KIRREL3: variants seen among roughly 807,000 people sequenced by gnomAD.
KIRREL3 encodes the protein kirre like nephrin family adhesion molecule 3.
Under a neutral mutation model 89.7 loss-of-function variants are expected in KIRREL3, and 36 were observed. That is an observed-to-expected ratio of 0.40 (90% CI 0.31 to 0.53). The LOEUF (loss-of-function observed/expected upper bound fraction) is 0.53, where lower values mean the gene tolerates loss of function less well. KIRREL3 is among the 20% of genes least tolerant of loss of function. The pLI, the probability that KIRREL3 is intolerant of heterozygous loss-of-function variation, is 0.49. For missense variants in KIRREL3, 864 were observed against 1,056.6 expected (o/e 0.82, Z 2.53); for synonymous variants, 445 against 441.4 (o/e 1.01, Z -0.10).
At chr11:126,468,973 G>A (rs781303459) in intron 5 of KIRREL3, among the ~76,000 whole-genome samples, 1 of 152,198 alleles carries the variant, frequency 6.6e-6, no homozygotes, top group Admixed American at 6.5e-5. Flanking sequence ...GGTCCATAGT[G>A]GGGTGGACCT....
At chr11:126,866,720 G>A (rs1442960749) in intron 1 of KIRREL3, among the ~76,000 whole-genome samples, 3 of 152,084 alleles carry the variant, frequency 2.0e-5, no homozygotes, top group Non-Finnish European at 4.4e-5. Context: ...CCAGCAGAAG[G>A]ACACAGTGGC....
chr11:126,645,174 G>T lies in KIRREL3; in HGVS notation c.56-82262C>A, dbSNP rs1944619177. Among the ~76,000 whole-genome samples, 1 of 152,110 alleles carries T rather than the reference G, an allele frequency of 6.6e-6. No individual in the cohort carries two copies. The highest frequency in any genetic ancestry group is 1.5e-5 in the Non-Finnish European group (1 of 68,010). ...GAAAAAGCTGGAGGAAGATAGAGTGGGACCAGAAAGTGAAGGGATGCAGAC... is the reference window on the plus strand; with the variant it reads ...GAAAAAGCTGGAGGAAGATAGAGTGTGACCAGAAAGTGAAGGGATGCAGAC... On this transcript the variant is annotated intron_variant, in intron 1 of 16. Coordinates refer to ENST00000525144, the MANE Select transcript of KIRREL3 (RefSeq NM_032531.4). The surrounding 1 kb of genome is among the most constrained non-coding windows in gnomAD (Gnocchi z 4.9).
In KIRREL3 at chr11:126,606,771, A is replaced by G. The variant is rs1188674076; in HGVS notation, c.56-43859T>C. 6.6e-6 allele frequency among the ~76,000 whole-genome samples: 1 copy of G among 152,122 alleles called. No homozygotes were observed. The highest frequency in any genetic ancestry group is 1.9e-4 in the East Asian group (1 of 5,184). On this transcript the variant is annotated intron_variant, in intron 1 of 16. Coordinates refer to ENST00000525144, the MANE Select transcript of KIRREL3 (RefSeq NM_032531.4). The surrounding 1 kb of genome is among the most constrained non-coding windows in gnomAD (Gnocchi z 4.6). ...CCTTGAACTCTGCAGGGGCCTTAAA[A>G]CATCCCTAAGTGCCATACCTCTACA... is the stretch of plus-strand genomic sequence containing the variant.
chr11:126,950,746 G>C (rs1160364641), intron 1 of KIRREL3, among the ~76,000 whole-genome samples: 1 of 152,200 alleles, frequency 6.6e-6, no homozygotes, highest in East Asian at 1.9e-4. Context: ...TGCACTCCTA[G>C]CCTGGGGATT....
intron 4 of KIRREL3, among the ~76,000 whole-genome samples, chr11:126,478,665 ATATG>A (rs1259019296): frequency 5.3e-5 from 8 of 151,936 alleles, no homozygotes; most frequent in Admixed American, 5.2e-4. Context: ...GTATATGTAT[ATATG>A]TATGTGTATG....
chr11:126,567,601 C>T (rs568000369), intron 1 of KIRREL3, among the ~76,000 whole-genome samples: 1 of 152,200 alleles, frequency 6.6e-6, no homozygotes, highest in South Asian at 2.1e-4. Flanking sequence ...AAGCTGCCTG[C>T]AGGGAGCAGC....
rs763417352 is a variant in KIRREL3, at chr11:126,578,989, C to A, written c.56-16077G>T. ...ATGAAGACACTGAGGACCAGCAAGG[C>A]GAGACAACTGTTTGAGGCCACACAG... On this transcript the variant is annotated intron_variant, in intron 1 of 16. Transcript: ENST00000525144. The surrounding 1 kb of genome is among the most constrained non-coding windows in gnomAD (Gnocchi z 4.9). Among the ~76,000 whole-genome samples the A allele has an allele frequency of 6.6e-6, 1 of 152,128 alleles. No homozygotes were observed. The highest frequency in any genetic ancestry group is 1.5e-5 in the Non-Finnish European group (1 of 68,040).
At position 126,609,125 on chromosome 11, in the gene KIRREL3, C is replaced by T. The variant is rs1215427222; in HGVS notation, c.56-46213G>A. ...TGTGCTGAATTGAGGAGCACTGCAG[C>T]GAGACCTGACCACCGCCCAGCCCAG... On this transcript the variant is annotated intron_variant, in intron 1 of 16. Coordinates refer to ENST00000525144, the MANE Select transcript of KIRREL3 (RefSeq NM_032531.4). The surrounding 1 kb of genome is among the most constrained non-coding windows in gnomAD (Gnocchi z 5.0). Among the ~76,000 whole-genome samples, 11 of 152,106 alleles carry T rather than the reference C, an allele frequency of 7.2e-5. No homozygotes were observed. The South Asian group carries it at 8.3e-4, about 11-fold the overall frequency.
intron 1 of KIRREL3, among the ~76,000 whole-genome samples, chr11:126,728,679 CAGG>C (rs1463841054): frequency 3.9e-5 from 6 of 152,136 alleles, no homozygotes; most frequent in South Asian, 2.1e-4. Context: ...GGAAAGGAGG[CAGG>C]AGAAGCCCTG....
At chr11:126,798,355 C>T (rs1289918510) in intron 1 of KIRREL3, among the ~76,000 whole-genome samples, 4 of 86,822 alleles carry the variant, frequency 4.6e-5, no homozygotes, top group African/African-American at 1.9e-4. Flanking sequence ...TTCAGGGTGC[C>T]TCCTGTGATT....
intron 1 of KIRREL3, among the ~76,000 whole-genome samples, chr11:126,633,523 G>C (rs1944137080): frequency 6.6e-6 from 1 of 152,068 alleles, no homozygotes; most frequent in African/African-American, 2.4e-5. Context: ...TTGTTGAAAA[G>C]AGCCTGGCAC....
At chr11:126,539,275 G>C (rs957372750) in intron 2 of KIRREL3, among the ~76,000 whole-genome samples, 1 of 152,194 alleles carries the variant, frequency 6.6e-6, no homozygotes, top group Non-Finnish European at 1.5e-5. Context: ...CTGGGTGCAC[G>C]GAGCATGTGT....
At chr11:126,559,467 A>T (rs1358953429) in intron 2 of KIRREL3, among the ~76,000 whole-genome samples, 1 of 152,260 alleles carries the variant, frequency 6.6e-6, no homozygotes, top group Non-Finnish European at 1.5e-5. Context: ...CTGACAGCAC[A>T]TGAGGAAGCA....
intron 1 of KIRREL3, among the ~76,000 whole-genome samples, chr11:126,581,915 G>A (rs1031847789): frequency 1.3e-5 from 2 of 152,172 alleles, no homozygotes; most frequent in Non-Finnish European, 2.9e-5. Flanking sequence ...CTGAGCACAG[G>A]TAACAGACCA....
intron 7 of KIRREL3, among the ~76,000 whole-genome samples, chr11:126,451,744 G>T (rs972716903): frequency 6.6e-6 from 1 of 152,230 alleles, no homozygotes; most frequent in African/African-American, 2.4e-5. Flanking sequence ...GAAGTTGGGG[G>T]CTTCCTTACG....
At chr11:126,638,131 G>T (rs1490061909) in intron 1 of KIRREL3, among the ~76,000 whole-genome samples, 3 of 152,226 alleles carry the variant, frequency 2.0e-5, no homozygotes, top group Admixed American at 2.0e-4. Flanking sequence ...GGAATGGGAA[G>T]CTCAGAAGAG....
At chr11:126,446,310 C>T (rs1437734814) in intron 9 of KIRREL3, among the ~76,000 whole-genome samples, 35 of 149,502 alleles carry the variant, frequency 2.3e-4, no homozygotes, top group African/African-American at 7.5e-4. Context: ...TTCTCTCTCT[C>T]TCTTCCTTTC....
rs1205193263 is a variant in KIRREL3 at position 126,441,608 on chromosome 11, GCAACGCATCTGGAGAACA to G, written c.1253-1077_1253-1060del. Reference sequence around the variant, plus strand: ...GATACCAGAGGAAAGACAGCCGGGAGCAACGCATCTGGAGAACACACAGAATTATGCAGGAACAAAACA... The same window carrying G: ...GATACCAGAGGAAAGACAGCCGGGAGCACAGAATTATGCAGGAACAAAACA... On this transcript the variant is annotated intron_variant, in intron 10 of 16. Coordinates refer to ENST00000525144, the MANE Select transcript of KIRREL3 (RefSeq NM_032531.4). This position sits in a 1 kb window ranked among gnomAD's most constrained non-coding sequence, Gnocchi z 5.0. Among the ~76,000 whole-genome samples, 10 of 152,242 alleles carry G rather than the reference GCAACGCATCTGGAGAACA, an allele frequency of 6.6e-5. No homozygotes were observed. Among genetic ancestry groups the G allele is most frequent in the African/African-American group, 2.4e-4 (10 of 41,468 alleles).
chr11:126,500,399 G>T (rs1957817578), intron 4 of KIRREL3, among the ~76,000 whole-genome samples: 1 of 152,196 alleles, frequency 6.6e-6, no homozygotes, highest in Non-Finnish European at 1.5e-5. Flanking sequence ...AAGCCTGCTT[G>T]GTGTCTGGTG....
Sources: allele counts gnomAD v4.1 joint callset (sites outside exome capture counted in the v4.1 genomes callset), GRCh38; gene constraint gnomAD v4.1.1; non-coding constraint Gnocchi (gnomAD v3.1); transcripts MANE v1.5; gene names NCBI Gene and HGNC (gene_info 2026-07-23, HGNC 2026-07-21).